CEP83: variants seen among roughly 807,000 people sequenced by gnomAD.
CEP83 encodes the protein centrosomal protein of 83 kDa.
CEP83 carries 70 observed loss-of-function variants against 101.9 expected under a neutral mutation model. That is an observed-to-expected ratio of 0.69 (90% CI 0.57 to 0.84). The LOEUF is 0.84. Ranked by LOEUF, CEP83 falls within the 40% of genes least tolerant of loss-of-function variation. The probability of loss-of-function intolerance (pLI) is 0.00; values close to 1 mark genes in which losing one functional copy is unlikely to be tolerated. For missense variants in CEP83, 715 were observed against 787.2 expected (o/e 0.91, Z 1.10); for synonymous variants, 264 against 267.9 (o/e 0.99, Z 0.14).
chr12:94,410,081 G>C (rs1387591159), intron 4 of CEP83, among the ~76,000 whole-genome samples: 1 of 152,102 alleles, frequency 6.6e-6, no homozygotes, highest in African/African-American at 2.4e-5. Flanking sequence ...TGAGGCTGTA[G>C]GTATGTTTGA....
At chr12:94,282,207 T>C in the CEP83 span, 1 of 832,898 alleles carries the variant, frequency 1.2e-6, no homozygotes, top group Admixed American at 2.0e-5. Context: ...GATTTACCAC[T>C]TTATTCAAGT....
chr12:94,348,725 G>A (rs1341152565), intron 11 of CEP83, among the ~76,000 whole-genome samples: 5 of 152,096 alleles, frequency 3.3e-5, no homozygotes, highest in African/African-American at 1.2e-4. Context: ...AGTATGCTCA[G>A]CAAATCGATG....
chr12:94,281,833 A>T, the CEP83 span: 1 of 157,980 alleles, frequency 6.3e-6, no homozygotes, highest in South Asian at 1.8e-4. Flanking sequence ...CCACATGCTC[A>T]CCTAGGCATA....
At chr12:94,304,231 TAC>T, downstream of CEP83, 2 of 511,380 alleles carry the variant, frequency 3.9e-6, no homozygotes, top group Non-Finnish European at 7.0e-6. Context: ...CTGCCCCCCT[TAC>T]AGTTTTATCA....
chr12:94,329,880 G>C (rs1172324703), intron 14 of CEP83, among the ~76,000 whole-genome samples: 1 of 152,068 alleles, frequency 6.6e-6, no homozygotes, highest in African/African-American at 2.4e-5. Flanking sequence ...AATAAATGCT[G>C]TTTTTCCAAT....
intron 15 of CEP83, 99 bp downstream of exon 15, chr12:94,312,815 T>G (rs1465317835): frequency 8.0e-7 from 1 of 1,246,436 alleles, no homozygotes. Context: ...ATCTTTAAAA[T>G]GTATATTTTA....
the CEP83 span, among the ~76,000 whole-genome samples, chr12:94,283,498 C>A: frequency 1.6e-4 from 25 of 152,318 alleles, no homozygotes; most frequent in Admixed American, 4.6e-4. Context: ...ATTGCCTAGA[C>A]AGAGCTGATT....
chr12:94,284,659 G>C, the CEP83 span, among the ~76,000 whole-genome samples: 1 of 152,042 alleles, frequency 6.6e-6, no homozygotes, highest in African/African-American at 2.4e-5. Flanking sequence ...GGGAGGTCTG[G>C]TAACAGCTAG....
In CEP83 at chr12:94,331,689, G is replaced by GA; in HGVS notation, c.1707+10dup. 1 of 1,612,738 alleles carries GA rather than the reference G, an allele frequency of 6.2e-7. No individual in the cohort carries two copies. The highest frequency in any genetic ancestry group is 8.5e-7 in the Non-Finnish European group (1 of 1,179,630). ...GCCTGGCCAGAGATCACTTTAATAA[G>GA]AACCACTTGCCTTTTTCTGGGCAAT... On this transcript the variant is annotated intron_variant, in intron 14 of 16. Coordinates refer to ENST00000397809, the MANE Select transcript of CEP83 (RefSeq NM_016122.3).
the CEP83 span, among the ~76,000 whole-genome samples, chr12:94,296,575 G>A: frequency 2.6e-5 from 4 of 152,088 alleles, no homozygotes. Flanking sequence ...CTTGCTCTGT[G>A]AGCACCACCT....
chr12:94,411,751 T>C lies in CEP83; in HGVS notation c.270A>G (p.Glu90=). The part of the protein sequence containing the change: ...QQEKLQLLLE[E]LRGELVEKTK... ...TTTTCTCTACTAATTCTCCTCTTAG[T>C]TCTTCAAGCAGGAGCTGAAGTTTTT... The change falls in exon 4 of 17, where the codon GAA becomes GAG. Residue 90 remains glutamate, a synonymous_variant. Coordinates refer to ENST00000397809, the MANE Select transcript of CEP83 (RefSeq NM_016122.3). The C allele has an allele frequency of 1.2e-6, 2 of 1,611,536 alleles. No homozygotes were observed. Among genetic ancestry groups the C allele is most frequent in the South Asian group, 1.1e-5 (1 of 90,850 alleles).
intron 11 of CEP83, among the ~76,000 whole-genome samples, chr12:94,339,336 C>T (rs912569138): frequency 6.6e-6 from 1 of 152,150 alleles, no homozygotes; most frequent in Non-Finnish European, 1.5e-5. Context: ...AATGCCTACC[C>T]TTGAGTTTAT....
At chr12:94,277,561 GTTAGGGA>G in the CEP83 span, among the ~76,000 whole-genome samples, 1 of 152,152 alleles carries the variant, frequency 6.6e-6, no homozygotes, top group Admixed American at 6.5e-5. Context: ...TACACAGCTG[GTTAGGGA>G]TGGGTTCAGA....
chr12:94,444,422 C>T (rs139391859), intron 1 of CEP83, among the ~76,000 whole-genome samples: 240 of 152,204 alleles, frequency 1.6e-3, no homozygotes, highest in Admixed American at 3.5e-3. Context: ...AAAGAAATTT[C>T]TACCTCAAAA....
intron 1 of CEP83, among the ~76,000 whole-genome samples, chr12:94,441,228 G>A (rs1218700995): frequency 6.6e-6 from 1 of 152,180 alleles, no homozygotes; most frequent in Non-Finnish European, 1.5e-5. Flanking sequence ...TCAGCAGAGT[G>A]AACAGGCAAC....
rs183210086 is a variant in CEP83, at chr12:94,424,322, T to C, written c.-102+10953A>G. ...TTTCTTTGGCCCGCCATCAGCAAATTTGCAAAGCAAGGGATCGGATGGGGC... is the reference window on the plus strand; with the variant it reads ...TTTCTTTGGCCCGCCATCAGCAAATCTGCAAAGCAAGGGATCGGATGGGGC... On this transcript the variant is annotated intron_variant, in intron 2 of 16. Coordinates refer to ENST00000397809, the MANE Select transcript of CEP83 (RefSeq NM_016122.3). 6.8e-3 allele frequency: 11,055 copies of C among 1,614,112 alleles called. 56 individuals carry two copies. The highest frequency in any genetic ancestry group is 8.3e-3 in the Non-Finnish European group (9,792 of 1,180,016).
intron 2 of CEP83, 75 bp from the exon 3 acceptor site, chr12:94,412,666 T>C (rs919945323): frequency 1.6e-4 from 77 of 493,884 alleles, no homozygotes; most frequent in Admixed American, 5.1e-4. Flanking sequence ...TACATATTTT[T>C]ATCACTTTTA....
At chr12:94,368,305 G>C in intron 9 of CEP83, 104 bp from the exon 10 acceptor site, 1 of 771,670 alleles carries the variant, frequency 1.3e-6, no homozygotes, top group Non-Finnish European at 2.0e-6. Flanking sequence ...AATGAATGTA[G>C]AAAGTCTCTA....
intron 14 of CEP83, among the ~76,000 whole-genome samples, chr12:94,325,117 G>A (rs1437354241): frequency 4.6e-5 from 7 of 151,438 alleles, no homozygotes; most frequent in Admixed American, 4.6e-4. Flanking sequence ...CCTTACCAGA[G>A]AAGCCTTGCC....
Sources: gnomAD v4.1 joint callset for allele counts (sites outside exome capture counted in the v4.1 genomes callset) on GRCh38, gnomAD v4.1.1 for gene constraint, MANE v1.5 for transcripts, NCBI Gene and HGNC (gene_info 2026-07-23, HGNC 2026-07-21) for gene names.